OR1L8: variants seen among roughly 807,000 people sequenced by gnomAD.
OR1L8 encodes the protein olfactory receptor 1L8.
For missense variants in OR1L8, 330 were observed against 377.4 expected (o/e 0.87, Z 1.04); for synonymous variants, 148 against 147.0 (o/e 1.01, Z -0.05).
At chr9:122,575,422 G>T (rs1833588481) in intron 3 of OR1L8, among the ~76,000 whole-genome samples, 1 of 151,950 alleles carries the variant, frequency 6.6e-6, no homozygotes, top group Admixed American at 6.6e-5. Context: ...TTGACATATT[G>T]TTGACATATC....
chr9:122,552,115 C>T, the OR1L8 span, among the ~76,000 whole-genome samples: 4 of 133,916 alleles, frequency 3.0e-5, no homozygotes, highest in African/African-American at 8.0e-5. Flanking sequence ...CTTCCCAGTT[C>T]GATGATCAGG....
the OR1L8 span, among the ~76,000 whole-genome samples, chr9:122,560,321 C>T: frequency 0.011 from 1,703 of 152,122 alleles, 29 homozygotes; most frequent in African/African-American, 0.039. Context: ...GCATTTAGCC[C>T]GTTTACATTT....
the OR1L8 span, among the ~76,000 whole-genome samples, chr9:122,550,719 T>C: frequency 1.3e-5 from 2 of 151,922 alleles, no homozygotes; most frequent in East Asian, 1.9e-4. Flanking sequence ...ATAAAAATGC[T>C]CAACAAACTA....
At chr9:122,566,081 G>A (rs3962623), downstream of OR1L8, among the ~76,000 whole-genome samples, 88,418 of 152,036 alleles carry the variant, frequency 0.58, 26,220 homozygotes, top group East Asian at 0.97. Context: ...GAAAACACCC[G>A]AGGCATTGGA....
Position 122,578,333 on chromosome 9 carries a change from C to T in OR1L8, c.-487G>A, listed in dbSNP as rs1829690801. 1 of 151,736 alleles carries T rather than the reference C, an allele frequency of 6.6e-6. No homozygotes were observed. Among genetic ancestry groups the T allele is most frequent in the Non-Finnish European group, 1.5e-5 (1 of 68,068 alleles). 9.4% of individuals were successfully genotyped at this position (151,736 alleles called of 1,614,324 possible). A position where few individuals can be genotyped will look rare whatever the true frequency, so the allele number is the denominator to read the frequency against. On this transcript the variant is annotated 5_prime_UTR_variant, in exon 2 of 5. It introduces an in-frame stop codon into an upstream open reading frame of the 5' UTR. Coordinates refer to ENST00000641027, the MANE Select transcript of OR1L8 (RefSeq NM_001004454.2). ...TCATGGTGGCAGTCACCTGTAATCC[C>T]AGATACTCGGGAGGCTGAGGCAGGA...
At chr9:122,558,430 CTTTT>C in the OR1L8 span, among the ~76,000 whole-genome samples, 4 of 142,200 alleles carry the variant, frequency 2.8e-5, no homozygotes, top group Admixed American at 3.0e-4. Context: ...AGCTCAGTTC[CTTTT>C]TTGTTTGTTT....
chr9:122,568,895 G>A (rs1398112721), intron 4 of OR1L8, among the ~76,000 whole-genome samples: 2 of 152,108 alleles, frequency 1.3e-5, no homozygotes, highest in Non-Finnish European at 2.9e-5. Context: ...TATAGCATCA[G>A]TTAGGGATAC....
At chr9:122,550,737 A>G in the OR1L8 span, among the ~76,000 whole-genome samples, 1 of 152,152 alleles carries the variant, frequency 6.6e-6, no homozygotes, top group Non-Finnish European at 1.5e-5. Flanking sequence ...CTAGGCCTAG[A>G]AGGAATATAC....
At chr9:122,550,325 A>AAAG in the OR1L8 span, among the ~76,000 whole-genome samples, 45,599 of 151,800 alleles carry the variant, frequency 0.3, 7,345 homozygotes, top group East Asian at 0.54. Context: ...CCAAACATAC[A>AAAG]AAGAACTGGT....
chr9:122,580,460 C>G (rs968933895), intron 1 of OR1L8, among the ~76,000 whole-genome samples: 3 of 152,242 alleles, frequency 2.0e-5, no homozygotes, highest in Non-Finnish European at 1.5e-5. Flanking sequence ...TAGGTCTAAT[C>G]TGTAATAATG....
rs1829458127 is a variant in OR1L8 at position 122,567,757 on chromosome 9, TGGA to T, written c.718_720del (p.Ser240del). ...ACCACGGTGAGGTAAAAACCACAGG[TGGA>T]GAAGGCTTTGCGTTTCCCAGAAGTA... is the stretch of plus-strand genomic sequence containing the variant. On this transcript the variant is annotated inframe_deletion, in exon 5 of 5. Transcript: ENST00000641027. The T allele has an allele frequency of 6.2e-7, 1 of 1,613,954 alleles. No individual in the cohort carries two copies. Among genetic ancestry groups the T allele is most frequent in the East Asian group, 2.2e-5 (1 of 44,860 alleles).
chr9:122,554,185 C>T, the OR1L8 span: 3 of 1,565,844 alleles, frequency 1.9e-6, no homozygotes, highest in South Asian at 1.2e-5. Flanking sequence ...ACGGTGATGT[C>T]TAATCTTGAT....
intron 4 of OR1L8, 102 bp downstream of exon 4, chr9:122,572,678 G>T (rs1829574843): frequency 6.6e-6 from 1 of 152,128 alleles, no homozygotes; most frequent in Non-Finnish European, 1.5e-5. Context: ...TCAGATGGTG[G>T]TTATGACTTC....
chr9:122,557,280 G>A, the OR1L8 span, among the ~76,000 whole-genome samples: 3 of 152,032 alleles, frequency 2.0e-5, no homozygotes, highest in Admixed American at 6.6e-5. Flanking sequence ...AATGAGGGGG[G>A]ACATTTTTTT....
chr9:122,570,872 A>T (rs2118722982), intron 4 of OR1L8, among the ~76,000 whole-genome samples: 1 of 152,318 alleles, frequency 6.6e-6, no homozygotes, highest in South Asian at 2.1e-4. Flanking sequence ...GCATCTCACT[A>T]AATTCCGTAA....
chr9:122,581,621 ACAGAGGTAAGCGAGTGC>A (rs1350726036), intron 1 of OR1L8, among the ~76,000 whole-genome samples: 1,689 of 152,232 alleles, frequency 0.011, 25 homozygotes, highest in African/African-American at 0.038. Flanking sequence ...ATGTGAATTC[ACAGAGGTAAGCGAGTGC>A]CAATCTTCTT....
Position 122,568,305 on chromosome 9 carries a change from G to T in OR1L8, c.173C>A (p.Thr58Asn), listed in dbSNP as rs1428264511. 4 of 1,614,110 alleles carry T rather than the reference G, an allele frequency of 2.5e-6. No individual in the cohort carries two copies. The South Asian group carries it at 3.3e-5, about 13-fold the overall frequency. ...AAAACTCAAGAAGAAATACATAGGGGTCTGAAGATGGGGGTTGAAGCGAAT... is the reference window on the plus strand; with the variant it reads ...AAAACTCAAGAAGAAATACATAGGGTTCTGAAGATGGGGGTTGAAGCGAAT... ...LAIRFNPHLQ[T>N]PMYFFLSFLS... Residue 58 changes from threonine (T) to asparagine (N), a missense_variant, in exon 5 of 5, where the codon ACC becomes AAC. Coordinates refer to ENST00000641027, the MANE Select transcript of OR1L8 (RefSeq NM_001004454.2).
At chr9:122,583,048 G>A (rs1178779109) in intron 1 of OR1L8, among the ~76,000 whole-genome samples, 7 of 151,940 alleles carry the variant, frequency 4.6e-5, no homozygotes, top group South Asian at 4.2e-4. Context: ...TATAATCAGA[G>A]ACTCAATAAA....
chr9:122,576,306 C>T (rs746078862), intron 3 of OR1L8, among the ~76,000 whole-genome samples: 3 of 152,074 alleles, frequency 2.0e-5, no homozygotes, highest in African/African-American at 7.2e-5. Flanking sequence ...ACTGCAACCT[C>T]CGCCTCCTGG....
Sources: gnomAD v4.1 joint callset for allele counts (sites outside exome capture counted in the v4.1 genomes callset) on GRCh38, gnomAD v4.1.1 for gene constraint, MANE v1.5 for transcripts, NCBI Gene and HGNC (gene_info 2026-07-23, HGNC 2026-07-21) for gene names.